CDH8: variants seen among roughly 807,000 people sequenced by gnomAD.
CDH8 encodes the protein cadherin-8.
Under a neutral mutation model 68.1 loss-of-function variants are expected in CDH8, and 17 were observed. That is an observed-to-expected ratio of 0.25 (90% CI 0.17 to 0.37). The LOEUF (loss-of-function observed/expected upper bound fraction) is 0.37, where lower values mean the gene tolerates loss of function less well. Among genes scored for constraint, CDH8 ranks in the 10% least tolerant of loss-of-function variants. The pLI is 1.00. For missense variants in CDH8, 763 were observed against 999.3 expected, an observed-to-expected ratio of 0.76 and a Z score of 3.19; for synonymous variants, 372 against 365.1, an observed-to-expected ratio of 1.02 and a Z score of -0.21.
chr16:61,729,556 G>A (rs894849248), intron 8 of CDH8, among the ~76,000 whole-genome samples: 1 of 151,102 alleles, frequency 6.6e-6, no homozygotes, highest in Non-Finnish European at 1.5e-5. Flanking sequence ...CTGGAGTCCC[G>A]TTAATTGATT....
At chr16:61,715,194 T>C (rs977132004) in intron 9 of CDH8, among the ~76,000 whole-genome samples, 5 of 151,706 alleles carry the variant, frequency 3.3e-5, no homozygotes, top group African/African-American at 1.2e-4. Flanking sequence ...AGGACCTTTT[T>C]GTCTAGTTAT....
intron 2 of CDH8, among the ~76,000 whole-genome samples, chr16:61,934,855 A>G (rs1567534831): frequency 6.6e-6 from 1 of 152,214 alleles, no homozygotes; most frequent in Non-Finnish European, 1.5e-5. Context: ...TTCAGGGATA[A>G]AAATGTGAGC....
chr16:61,706,270 A>G (rs1964528993), intron 10 of CDH8, among the ~76,000 whole-genome samples: 1 of 152,188 alleles, frequency 6.6e-6, no homozygotes, highest in Admixed American at 6.5e-5. Flanking sequence ...TAAATAGAAG[A>G]GGGATAAAGC....
intron 4 of CDH8, among the ~76,000 whole-genome samples, chr16:61,843,365 G>A (rs1962728891): frequency 6.6e-6 from 1 of 152,190 alleles, no homozygotes; most frequent in South Asian, 2.1e-4. Flanking sequence ...TGAAAATCAT[G>A]TATGGGTCGC....
chr16:61,969,763 G>C (rs1965308963), intron 2 of CDH8, among the ~76,000 whole-genome samples: 1 of 152,108 alleles, frequency 6.6e-6, no homozygotes, highest in Non-Finnish European at 1.5e-5. Flanking sequence ...TAAATCCAGT[G>C]TATGGAAGTA....
chr16:61,739,400 G>A (rs1959795471), intron 8 of CDH8, among the ~76,000 whole-genome samples: 1 of 151,808 alleles, frequency 6.6e-6, no homozygotes, highest in African/African-American at 2.4e-5. Flanking sequence ...AGCTAATATT[G>A]TAAACTACCC....
intron 2 of CDH8, among the ~76,000 whole-genome samples, chr16:61,914,688 C>G (rs939700429): frequency 6.7e-6 from 1 of 149,474 alleles, no homozygotes; most frequent in South Asian, 2.1e-4. Context: ...CAAACCTGCA[C>G]GTTGTGCACA....
At chr16:61,844,525 T>A (rs1962763198) in intron 4 of CDH8, among the ~76,000 whole-genome samples, 1 of 152,212 alleles carries the variant, frequency 6.6e-6, no homozygotes, top group Non-Finnish European at 1.5e-5. Context: ...CAGTCCTCAA[T>A]AACCATTTTC....
At chr16:61,928,593 G>A (rs75639041) in intron 2 of CDH8, among the ~76,000 whole-genome samples, 15,306 of 152,080 alleles carry the variant, frequency 0.1, 1,039 homozygotes, top group East Asian at 0.29. Context: ...TTCTAACAGT[G>A]GCCACTGTAC....
intron 7 of CDH8, among the ~76,000 whole-genome samples, chr16:61,815,773 T>C (rs1196297452): frequency 6.6e-6 from 1 of 152,088 alleles, no homozygotes; most frequent in Non-Finnish European, 1.5e-5. Flanking sequence ...TTCTTTCTCC[T>C]GCTTGGAGAT....
At position 61,648,270 on chromosome 16, in the gene CDH8, A is replaced by T. The variant is rs1237516549; in HGVS notation, c.*5338T>A. 3 of 153,750 alleles carry T rather than the reference A, an allele frequency of 2.0e-5. No homozygotes were observed. The highest frequency in any genetic ancestry group is 7.2e-5 in the African/African-American group (3 of 41,434). The allele number at this position is 153,750 out of a possible 1,614,324, so 9.5% of individuals were successfully genotyped here. A position where few individuals can be genotyped will look rare whatever the true frequency, so the allele number is the denominator to read the frequency against. ...ATTTGGCAAACCTAGAGTTTCCTATAAGCACCTAATTTCTGGATCTTTCTG... is the reference window on the plus strand; with the variant it reads ...ATTTGGCAAACCTAGAGTTTCCTATTAGCACCTAATTTCTGGATCTTTCTG... On this transcript the variant is annotated 3_prime_UTR_variant, in exon 12 of 12. Coordinates refer to ENST00000577390, the MANE Select transcript of CDH8 (RefSeq NM_001796.5).
chr16:61,919,556 AG>A, intron 2 of CDH8, among the ~76,000 whole-genome samples: 1 of 150,268 alleles, frequency 6.7e-6, no homozygotes, highest in East Asian at 2.0e-4. Context: ...ACTGGAAGAA[AG>A]GGTATCAGCA....
At chr16:61,768,355 T>TCC (rs1960667093) in intron 8 of CDH8, among the ~76,000 whole-genome samples, 55 of 111,568 alleles carry the variant, frequency 4.9e-4, no homozygotes, top group Middle Eastern at 4.9e-3. Flanking sequence ...TCTCTCTCTC[T>TCC]CTCTCTCTCT....
intron 10 of CDH8, among the ~76,000 whole-genome samples, chr16:61,659,513 G>A (rs950994757): frequency 6.6e-6 from 1 of 152,132 alleles, no homozygotes; most frequent in African/African-American, 2.4e-5. Context: ...AGTCAGTATG[G>A]TCAAGAGGCA....
chr16:61,983,079 A>G (rs1965565860), intron 2 of CDH8, among the ~76,000 whole-genome samples: 1 of 152,238 alleles, frequency 6.6e-6, no homozygotes, highest in African/African-American at 2.4e-5. Flanking sequence ...GAACAAATCT[A>G]AAATTTGAAG....
At chr16:61,888,628 T>G (rs1597044006) in intron 3 of CDH8, among the ~76,000 whole-genome samples, 2 of 152,316 alleles carry the variant, frequency 1.3e-5, no homozygotes, top group Admixed American at 1.3e-4. Flanking sequence ...CTAAGGTTGT[T>G]GGTAGATTGA....
At chr16:61,807,773 C>T (rs1961831240) in intron 7 of CDH8, among the ~76,000 whole-genome samples, 1 of 152,168 alleles carries the variant, frequency 6.6e-6, no homozygotes, top group Non-Finnish European at 1.5e-5. Flanking sequence ...CGTAGTACTC[C>T]TCTGATAAGC....
intron 3 of CDH8, among the ~76,000 whole-genome samples, chr16:61,866,382 A>C (rs1963253621): frequency 6.6e-6 from 1 of 152,138 alleles, no homozygotes; most frequent in Admixed American, 6.6e-5. Flanking sequence ...TTTCTCTCCT[A>C]ATAGCATTTG....
intron 8 of CDH8, among the ~76,000 whole-genome samples, chr16:61,770,754 G>C (rs1960756316): frequency 6.6e-6 from 1 of 151,860 alleles, no homozygotes; most frequent in African/African-American, 2.4e-5. Context: ...GATGCTTTCT[G>C]TCTCTTTCAA....
Sources: gnomAD v4.1 joint callset for allele counts (sites outside exome capture counted in the v4.1 genomes callset) on GRCh38, gnomAD v4.1.1 for gene constraint, MANE v1.5 for transcripts, NCBI Gene and HGNC (gene_info 2026-07-23, HGNC 2026-07-21) for gene names.